Variants in SUMF1 observed in about 807,000 individuals in gnomAD.
SUMF1 encodes sulfatase modifying factor 1.
In SUMF1, 48 loss-of-function variants were observed where a neutral mutation model predicts 47.6. The observed-to-expected ratio is 1.01, with a 90% CI of 0.80 to 1.28. The LOEUF is 1.28. Ranked by LOEUF, SUMF1 falls within the 50% of genes most tolerant of loss-of-function variation. SUMF1 has a pLI of 0.00. For missense variants in SUMF1, 571 were observed against 485.4 expected (o/e 1.18, Z -1.66); for synonymous variants, 230 against 192.1 (o/e 1.20, Z -1.63).
chr3:4,325,881 T>C (rs1025904616), intron 8 of SUMF1, among the ~76,000 whole-genome samples: 1 of 152,104 alleles, frequency 6.6e-6, no homozygotes, highest in African/African-American at 2.4e-5. Context: ...AGGTATACTA[T>C]AGTGAACTCA....
chr3:4,352,731 TA>T (rs34628235), intron 8 of SUMF1, among the ~76,000 whole-genome samples: 1,418 of 108,222 alleles, frequency 0.013, 14 homozygotes, highest in Middle Eastern at 0.04. Context: ...TTGCTGCGTG[TA>T]AAAAAAAAAA....
At chr3:4,378,844 C>A (rs1700409190) in intron 7 of SUMF1, among the ~76,000 whole-genome samples, 3 of 152,202 alleles carry the variant, frequency 2.0e-5, no homozygotes, top group East Asian at 1.9e-4. Flanking sequence ...CCAGTATCTG[C>A]TAGCGTGCAA....
At chr3:4,459,774 G>C (rs17040714) in intron 1 of SUMF1, among the ~76,000 whole-genome samples, 1,778 of 152,166 alleles carry the variant, frequency 0.012, 37 homozygotes, top group African/African-American at 0.041. Flanking sequence ...CAGAACCCTT[G>C]TAATTGGTGT....
At chr3:4,411,022 G>A (rs1314281459) in intron 6 of SUMF1, 44 bp from the exon 7 acceptor site, 3 of 1,507,886 alleles carry the variant, frequency 2.0e-6, no homozygotes, top group Non-Finnish European at 2.8e-6. Context: ...TATTCACCTG[G>A]TTTAAAAAAC....
At chr3:4,216,030 GA>G (rs1408523574) in intron 8 of SUMF1, among the ~76,000 whole-genome samples, 1 of 152,092 alleles carries the variant, frequency 6.6e-6, no homozygotes, top group East Asian at 1.9e-4. Flanking sequence ...CACAGAATTG[GA>G]AAAAACTACC....
intron 8 of SUMF1, chr3:4,303,409 G>T (rs767718009): frequency 6.4e-7 from 1 of 1,557,730 alleles, no homozygotes; most frequent in Non-Finnish European, 8.6e-7. Context: ...GGCCTTGTGG[G>T]ATGGCGGAGT....
rs368002218 is a variant in SUMF1 at position 4,042,585 on chromosome 3, T to C, written c.1191+25984A>G. ...TATCTTTGTAACCAAGGATAATTATTTCAAAACAATTATGTAATTCTCCTC... is the reference window on the plus strand; with the variant it reads ...TATCTTTGTAACCAAGGATAATTATCTCAAAACAATTATGTAATTCTCCTC... On this transcript the variant is annotated intron_variant and NMD_transcript_variant, in intron 9 of 12. Coordinates refer to the SUMF1 transcript ENST00000448413. Among the ~76,000 whole-genome samples the C allele has an allele frequency of 1.8e-4, 28 of 152,322 alleles. 1 individual carries two copies. The highest frequency in any genetic ancestry group is 6.5e-4 in the African/African-American group (27 of 41,578).
intron 8 of SUMF1, among the ~76,000 whole-genome samples, chr3:4,186,626 T>C (rs1695205899): frequency 1.3e-5 from 2 of 152,120 alleles, no homozygotes; most frequent in South Asian, 2.1e-4. Context: ...AATAAAATTG[T>C]CCCTATGACC....
At chr3:4,145,868 T>C (rs981022902) in intron 8 of SUMF1, among the ~76,000 whole-genome samples, 1 of 151,992 alleles carries the variant, frequency 6.6e-6, no homozygotes. Context: ...CTCTTCCTTT[T>C]CCCCCCGTCT....
chr3:4,164,766 G>T (rs565913209), intron 8 of SUMF1, among the ~76,000 whole-genome samples: 2 of 152,030 alleles, frequency 1.3e-5, no homozygotes, highest in East Asian at 3.9e-4. Context: ...CAGGGCCCAG[G>T]GCTTGCTTTT....
chr3:4,431,533 G>A (rs1015758844), intron 3 of SUMF1, among the ~76,000 whole-genome samples: 13 of 152,176 alleles, frequency 8.5e-5, no homozygotes, highest in East Asian at 1.9e-4. Flanking sequence ...GAGCTGTTGC[G>A]TCGCTCAATA....
At chr3:4,463,333 T>C (rs1473898262) in intron 1 of SUMF1, among the ~76,000 whole-genome samples, 1 of 151,982 alleles carries the variant, frequency 6.6e-6, no homozygotes, top group East Asian at 1.9e-4. Flanking sequence ...CTACTAAAAA[T>C]ACAAAAATTG....
chr3:4,290,415 T>C (rs1697716682), intron 8 of SUMF1, among the ~76,000 whole-genome samples: 1 of 152,220 alleles, frequency 6.6e-6, no homozygotes, highest in African/African-American at 2.4e-5. Flanking sequence ...TTATGCAAAA[T>C]GGGTATTTTA....
chr3:4,167,082 G>A (rs1258321004), intron 8 of SUMF1, among the ~76,000 whole-genome samples: 5 of 152,118 alleles, frequency 3.3e-5, no homozygotes, highest in African/African-American at 9.7e-5. Flanking sequence ...CCCAAGATGT[G>A]TCTGGAGTTG....
At chr3:4,266,050 C>T (rs1166896014) in intron 8 of SUMF1, among the ~76,000 whole-genome samples, 4 of 152,194 alleles carry the variant, frequency 2.6e-5, no homozygotes, top group African/African-American at 9.6e-5. Context: ...AGACATGCGG[C>T]GTTATTTCTG....
chr3:4,162,128 G>C (rs1046700614), intron 8 of SUMF1, among the ~76,000 whole-genome samples: 3 of 151,938 alleles, frequency 2.0e-5, no homozygotes, highest in African/African-American at 7.3e-5. Flanking sequence ...TGGAATGGGG[G>C]CCTCACAACT....
chr3:4,190,388 G>A (rs955969919), intron 8 of SUMF1, among the ~76,000 whole-genome samples: 1 of 152,088 alleles, frequency 6.6e-6, no homozygotes, highest in African/African-American at 2.4e-5. Context: ...TTACTATAAA[G>A]AGTACAGAAG....
chr3:4,042,237 A>G (rs1279362214), intron 9 of SUMF1, among the ~76,000 whole-genome samples: 2 of 152,230 alleles, frequency 1.3e-5, no homozygotes, highest in African/African-American at 2.4e-5. Context: ...CAACATAAAT[A>G]CAAATTAATG....
intron 8 of SUMF1, among the ~76,000 whole-genome samples, chr3:4,369,711 T>C (rs1700111385): frequency 6.6e-6 from 1 of 152,204 alleles, no homozygotes; most frequent in African/African-American, 2.4e-5. Context: ...TCCATGTTCC[T>C]AGGCCATACA....
Sources: gnomAD v4.1 joint callset for allele counts (sites outside exome capture counted in the v4.1 genomes callset) on GRCh38, gnomAD v4.1.1 for gene constraint, MANE v1.5 for transcripts, NCBI Gene and HGNC (gene_info 2026-07-23, HGNC 2026-07-21) for gene names.